G2E3: variants seen among roughly 807,000 people sequenced by gnomAD.
The protein encoded by G2E3 is G2/M-phase specific E3 ubiquitin protein ligase, also known as G2/M phase-specific E3 ubiquitin-protein ligase.
In G2E3, 35 loss-of-function variants were observed where a neutral mutation model predicts 92.8. That is an observed-to-expected ratio of 0.38 (90% CI 0.29 to 0.50). G2E3 has a LOEUF of 0.50. Ranked by LOEUF, G2E3 falls within the 20% of genes least tolerant of loss-of-function variation. The pLI, the probability that G2E3 is intolerant of heterozygous loss-of-function variation, is 0.94. For synonymous variants in G2E3, 242 were observed against 272.4 expected (o/e 0.89, Z 1.10); for missense variants, 554 against 823.8 (o/e 0.67, Z 4.01).
At chr14:30,607,139 T>TG (rs1881866255) in intron 11 of G2E3, among the ~76,000 whole-genome samples, 1 of 152,138 alleles carries the variant, frequency 6.6e-6, no homozygotes, top group Non-Finnish European at 1.5e-5. Context: ...TAAATGCATT[T>TG]ATTAACTGTA....
chr14:30,595,031 A>G (rs968251060), intron 6 of G2E3, among the ~76,000 whole-genome samples: 6 of 151,770 alleles, frequency 4.0e-5, no homozygotes, highest in Non-Finnish European at 5.9e-5. Context: ...CCAGCTACTT[A>G]GGAGGCGGAG....
intron 6 of G2E3, among the ~76,000 whole-genome samples, chr14:30,595,253 G>A (rs1200295535): frequency 6.6e-6 from 1 of 152,210 alleles, no homozygotes; most frequent in African/African-American, 2.4e-5. Context: ...AAACAACATT[G>A]TGAAGTGTTA....
At chr14:30,611,506 C>T (rs1289676868) in intron 12 of G2E3, 1 of 152,186 alleles carries the variant, frequency 6.6e-6, no homozygotes, top group Non-Finnish European at 1.5e-5. Flanking sequence ...GTGTCTTGCA[C>T]ATAAATGGCC....
chr14:30,587,143 T>C (rs923887552), intron 3 of G2E3, among the ~76,000 whole-genome samples: 3 of 152,236 alleles, frequency 2.0e-5, no homozygotes, highest in Non-Finnish European at 4.4e-5. Flanking sequence ...CATTTGTTGC[T>C]AGTGATAAAT....
At chr14:30,598,436 G>A in intron 7 of G2E3, 47 bp from the exon 8 acceptor site, 6 of 1,173,718 alleles carry the variant, frequency 5.1e-6, no homozygotes, top group East Asian at 2.3e-5. Context: ...ATCCTCTTAT[G>A]TAACATTATT....
rs1173876316 is a variant in G2E3, at chr14:30,612,486, GA to G, written c.1673+114del. On this transcript the variant is annotated intron_variant, in intron 13 of 14. Transcript: ENST00000206595. ...GGTAATAAGTGAGATGTTTTTCTCA[GA>G]AAAAAATTTAAATGCTATTTTTAAA... The G allele has an allele frequency of 1.1e-5, 8 of 722,200 alleles. No individual in the cohort carries two copies. In the African/African-American group the frequency reaches 1.3e-4, roughly 11 times the overall value. 44.7% of individuals were successfully genotyped at this position (722,200 alleles called of 1,614,324 possible).
intron 14 of G2E3, 119 bp downstream of exon 14, chr14:30,615,658 G>A (rs1182488213): frequency 6.3e-5 from 32 of 507,786 alleles, no homozygotes; most frequent in Non-Finnish European, 1.0e-4. Context: ...TGCTAACTCC[G>A]TATTTACAAA....
rs2273410 is a variant in G2E3 at position 30,592,548 on chromosome 14, C to T, written c.362+101C>T. ...ACTACAATAAATTTTCTGTTTAGAGCATCAGAGTTTAGATATAACATTATA... is the reference window on the plus strand; with the variant it reads ...ACTACAATAAATTTTCTGTTTAGAGTATCAGAGTTTAGATATAACATTATA... On this transcript the variant is annotated intron_variant, in intron 5 of 14. Transcript: ENST00000206595. The T allele has an allele frequency of 3.6e-5, 33 of 906,620 alleles. No individual in the cohort carries two copies. The East Asian group carries it at 8.1e-4, about 22-fold the overall frequency. The allele number at this position is 906,620 out of a possible 1,614,324, so 56.2% of individuals were successfully genotyped here.
chr14:30,592,335 T>G lies in G2E3; in HGVS notation c.250T>G (p.Cys84Gly). The change falls in exon 5 of 15, where the codon TGC (cysteine) becomes GGC (glycine). Residue 84 changes from cysteine to glycine, a missense_variant. Cys to Gly is a radical substitution (Grantham distance 159). This residue lies in a region of G2E3 where 137 missense variants were observed against 201.3 expected (regional missense o/e 0.68). Transcript: ENST00000206595. ...NRASKLKCCVCKKNGASIGCV... is the reference protein window; with the variant it reads ...NRASKLKCCVGKKNGASIGCV... ...CATACTCTTCTAGAAATGCTGTGTT[T>G]GCAAGAAAAATGGTGCTTCAATTGG... 1 of 1,612,920 alleles carries G rather than the reference T, an allele frequency of 6.2e-7. No individual in the cohort carries two copies. Among genetic ancestry groups the G allele is most frequent in the Non-Finnish European group, 8.5e-7 (1 of 1,179,208 alleles).
At chr14:30,567,551 G>A (rs991232771) in intron 1 of G2E3, among the ~76,000 whole-genome samples, 2 of 151,036 alleles carry the variant, frequency 1.3e-5, no homozygotes, top group African/African-American at 4.9e-5. Flanking sequence ...TTTTTTCTCT[G>A]GGTCATCTAA....
At chr14:30,588,265 ATTT>A (rs950713039) in intron 3 of G2E3, among the ~76,000 whole-genome samples, 1 of 151,946 alleles carries the variant, frequency 6.6e-6, no homozygotes, top group Non-Finnish European at 1.5e-5. Context: ...GGATTATTTT[ATTT>A]TTTTCTATAA....
At chr14:30,587,803 A>G (rs916133031) in intron 3 of G2E3, among the ~76,000 whole-genome samples, 6 of 152,188 alleles carry the variant, frequency 3.9e-5, no homozygotes, top group South Asian at 4.1e-4. Flanking sequence ...AGAGAGAGAA[A>G]TCAAGATGGA....
chr14:30,573,596 A>G (rs1045705134), intron 1 of G2E3: 5 of 152,126 alleles, frequency 3.3e-5, no homozygotes, highest in African/African-American at 7.2e-5. Flanking sequence ...TCTGGAGCCA[A>G]ACAGCTGATG....
chr14:30,563,449 ATCT>A (rs1460372168), intron 1 of G2E3, among the ~76,000 whole-genome samples: 1 of 152,072 alleles, frequency 6.6e-6, no homozygotes, highest in Non-Finnish European at 1.5e-5. Flanking sequence ...AGAGCTGCAT[ATCT>A]GATGCAGGCT....
intron 13 of G2E3, among the ~76,000 whole-genome samples, chr14:30,614,971 G>C (rs1882247813): frequency 6.6e-6 from 1 of 151,988 alleles, no homozygotes; most frequent in Non-Finnish European, 1.5e-5. Context: ...TATCACTCTT[G>C]GTAATATCTG....
intron 1 of G2E3, chr14:30,580,853 T>A (rs550708799): frequency 2.2e-6 from 1 of 455,382 alleles, no homozygotes; most frequent in South Asian, 2.6e-5. Context: ...TCATCTTAAT[T>A]GTTTTGACAG....
At chr14:30,601,671 G>A (rs945418275) in intron 8 of G2E3, 99 bp from the exon 9 acceptor site, 19 of 1,089,512 alleles carry the variant, frequency 1.7e-5, no homozygotes, top group Non-Finnish European at 2.7e-5. Flanking sequence ...GCGGGTGTGT[G>A]CGTGTTTGTG....
intron 1 of G2E3, among the ~76,000 whole-genome samples, chr14:30,575,890 C>T (rs1880055292): frequency 6.6e-6 from 1 of 152,126 alleles, no homozygotes; most frequent in South Asian, 2.1e-4. Flanking sequence ...AATGGAAAAA[C>T]ATCCCATGCT....
At chr14:30,589,707 C>T (rs996399073) in intron 4 of G2E3, among the ~76,000 whole-genome samples, 5 of 152,156 alleles carry the variant, frequency 3.3e-5, no homozygotes, top group South Asian at 2.1e-4. Flanking sequence ...ACTGACTTCA[C>T]TTCCTTATCT....
Sources: allele counts gnomAD v4.1 joint callset (sites outside exome capture counted in the v4.1 genomes callset), GRCh38; gene constraint gnomAD v4.1.1; regional missense constraint gnomAD v4.1.1; transcripts MANE v1.5; gene names NCBI Gene and HGNC (gene_info 2026-07-23, HGNC 2026-07-21).